NAALADL2: variants seen among roughly 807,000 people sequenced by gnomAD.
NAALADL2 encodes the protein N-acetylated alpha-linked acidic dipeptidase like 2, also known as inactive N-acetylated-alpha-linked acidic dipeptidase-like protein 2.
A neutral mutation model predicts 87.2 loss-of-function variants in NAALADL2; 76 were observed. The observed-to-expected ratio is 0.87, with a 90% CI of 0.72 to 1.05. The LOEUF is 1.05. Ranked by LOEUF, NAALADL2 falls within the 50% of genes least tolerant of loss-of-function variation. The pLI, the probability that NAALADL2 is intolerant of heterozygous loss-of-function variation, is 0.00. For synonymous variants in NAALADL2, 354 were observed against 331.0 expected (o/e 1.07, Z -0.75); for missense variants, 1,089 against 945.8 (o/e 1.15, Z -1.99).
intron 5 of NAALADL2, among the ~76,000 whole-genome samples, chr3:175,354,621 GAATT>G (rs1764141436): frequency 6.6e-6 from 1 of 151,844 alleles, no homozygotes; most frequent in Non-Finnish European, 1.5e-5. Flanking sequence ...CATTAGATTT[GAATT>G]ATTTAAACTT....
In NAALADL2 at chr3:175,803,943, A is replaced by T. The variant is rs1754483172; in HGVS notation, c.*740A>T. The stretch of plus-strand genomic sequence containing the variant: ...CAGTTGATTTTCTAAGAATTTCAGG[A>T]GTGATGTATGTCTTAAGAGGGAGAA... On this transcript the variant is annotated 3_prime_UTR_variant, in exon 14 of 14. Coordinates refer to ENST00000454872, the MANE Select transcript of NAALADL2 (RefSeq NM_207015.3). 6.6e-6 allele frequency: 1 copy of T among 152,304 alleles called. No homozygotes were observed. The highest frequency in any genetic ancestry group is 6.6e-5 in the Admixed American group (1 of 15,176). 9.4% of individuals were successfully genotyped at this position (152,304 alleles called of 1,614,324 possible).
At chr3:174,717,445 A>T (rs1731290917) in intron 2 of NAALADL2, among the ~76,000 whole-genome samples, 1 of 152,224 alleles carries the variant, frequency 6.6e-6, no homozygotes, top group Non-Finnish European at 1.5e-5. Context: ...AACTATGTAC[A>T]CATTTTAAAA....
At chr3:175,702,030 A>G (rs1739063152) in intron 11 of NAALADL2, among the ~76,000 whole-genome samples, 1 of 152,190 alleles carries the variant, frequency 6.6e-6, no homozygotes, top group South Asian at 2.1e-4. Flanking sequence ...AATTTATCAG[A>G]CTATTCAACT....
At chr3:175,120,309 G>A (rs1448945506) in intron 2 of NAALADL2, among the ~76,000 whole-genome samples, 1 of 151,714 alleles carries the variant, frequency 6.6e-6, no homozygotes, top group East Asian at 1.9e-4. Flanking sequence ...AATGTGCTAT[G>A]TTTTTCTGGC....
At chr3:175,772,600 G>A (rs947019250) in intron 13 of NAALADL2, among the ~76,000 whole-genome samples, 11 of 152,074 alleles carry the variant, frequency 7.2e-5, no homozygotes, top group African/African-American at 2.7e-4. Context: ...AGACACCAGC[G>A]CGAGCGGACT....
At chr3:174,542,430 A>G (rs560343186) in intron 1 of NAALADL2, among the ~76,000 whole-genome samples, 2 of 152,258 alleles carry the variant, frequency 1.3e-5, no homozygotes, top group South Asian at 4.1e-4. Context: ...TAAAGGCAAG[A>G]TGTCTTTATT....
chr3:174,948,324 G>A lies in NAALADL2; in HGVS notation c.43+88874G>A, dbSNP rs573941027. Among the ~76,000 whole-genome samples the A allele has an allele frequency of 1.2e-3, 175 of 152,152 alleles. 1 individual carries two copies. The highest frequency in any genetic ancestry group is 0.01 in the Middle Eastern group (3 of 294). The stretch of plus-strand genomic sequence containing the variant: ...CCCTAGTAGCTGGGACTATAGGCGT[G>A]TGCCACCAAACCCGGCTAATTTTTG... On this transcript the variant is annotated intron_variant, in intron 1 of 13. Coordinates refer to ENST00000454872, the MANE Select transcript of NAALADL2 (RefSeq NM_207015.3).
intron 9 of NAALADL2, among the ~76,000 whole-genome samples, chr3:175,504,099 T>C (rs891668742): frequency 6.6e-6 from 1 of 152,236 alleles, no homozygotes; most frequent in Non-Finnish European, 1.5e-5. Context: ...TTTGAGTTGA[T>C]TTCTGTATAA....
chr3:175,667,203 G>GAA (rs1427814728), intron 11 of NAALADL2, among the ~76,000 whole-genome samples: 1 of 110,214 alleles, frequency 9.1e-6, no homozygotes, highest in Admixed American at 8.3e-5. Flanking sequence ...AAGAAAGAAA[G>GAA]AAAGAAAGAA....
chr3:175,603,063 A>G (rs991394399), intron 10 of NAALADL2, among the ~76,000 whole-genome samples: 5 of 152,158 alleles, frequency 3.3e-5, no homozygotes, highest in African/African-American at 9.7e-5. Flanking sequence ...ATTCTTTTAC[A>G]TACTTCAATG....
chr3:174,810,984 T>A (rs1366854734), intron 3 of NAALADL2, among the ~76,000 whole-genome samples: 1 of 152,182 alleles, frequency 6.6e-6, no homozygotes, highest in Non-Finnish European at 1.5e-5. Flanking sequence ...TTGGACTGTT[T>A]CAGAGGGTGC....
At chr3:175,250,543 C>T (rs1390857411) in intron 3 of NAALADL2, among the ~76,000 whole-genome samples, 1 of 152,164 alleles carries the variant, frequency 6.6e-6, no homozygotes, top group Non-Finnish European at 1.5e-5. Flanking sequence ...CATTACTCAA[C>T]AAATTGATTT....
At chr3:174,865,209 T>C (rs1358116406) in intron 1 of NAALADL2, among the ~76,000 whole-genome samples, 1 of 151,996 alleles carries the variant, frequency 6.6e-6, no homozygotes, top group Non-Finnish European at 1.5e-5. Context: ...AATAAAGTTA[T>C]AAAATCCTAC....
intron 1 of NAALADL2, among the ~76,000 whole-genome samples, chr3:174,902,238 A>G (rs59919670): frequency 0.027 from 4,080 of 152,208 alleles, 168 homozygotes; most frequent in African/African-American, 0.088. Context: ...CCAATAACCT[A>G]TGTCTGTCTT....
At position 175,667,271 on chromosome 3, in the gene NAALADL2, A is replaced by G. The variant is rs1017349613; in HGVS notation, c.1896+39885A>G. ...AAAGAAAGAAAGAAAGAAAGGAAGG[A>G]AGGGATGGGGATCTGAAGGGGTTAA... On this transcript the variant is annotated intron_variant, in intron 11 of 13. Transcript: ENST00000454872. 3.3e-5 allele frequency among the ~76,000 whole-genome samples: 5 copies of G among 150,330 alleles called. No homozygotes were observed. In the East Asian group the frequency reaches 5.8e-4, roughly 17 times the overall value.
At chr3:174,759,717 T>G (rs1712649784) in intron 3 of NAALADL2, among the ~76,000 whole-genome samples, 1 of 150,092 alleles carries the variant, frequency 6.7e-6, no homozygotes, top group African/African-American at 2.5e-5. Context: ...TTTTTTTTTT[T>G]GAGATGGAGT....
At chr3:174,874,771 G>A (rs1449919126) in intron 1 of NAALADL2, among the ~76,000 whole-genome samples, 1 of 152,058 alleles carries the variant, frequency 6.6e-6, no homozygotes, top group Non-Finnish European at 1.5e-5. Flanking sequence ...CTTGAACAGT[G>A]TGATTATTTG....
At chr3:175,245,888 C>T (rs187392127) in intron 3 of NAALADL2, among the ~76,000 whole-genome samples, 12 of 152,284 alleles carry the variant, frequency 7.9e-5, no homozygotes, top group African/African-American at 2.9e-4. Flanking sequence ...AAATACCTCT[C>T]CTCTTATGCC....
intron 1 of NAALADL2, among the ~76,000 whole-genome samples, chr3:174,456,448 A>G (rs1397225243): frequency 6.8e-6 from 1 of 147,828 alleles, no homozygotes. Context: ...AGGAAGCATC[A>G]CTCTACCTGA....
Sources: allele counts gnomAD v4.1 joint callset (sites outside exome capture counted in the v4.1 genomes callset), GRCh38; gene constraint gnomAD v4.1.1; transcripts MANE v1.5; gene names NCBI Gene and HGNC (gene_info 2026-07-23, HGNC 2026-07-21).